TGFB1: variants seen among roughly 807,000 people sequenced by gnomAD.
The protein encoded by TGFB1 is transforming growth factor beta 1.
TGFB1 carries 19 observed loss-of-function variants against 43.8 expected under a neutral mutation model. The ratio of observed to expected loss-of-function variants is 0.43; its 90% CI spans 0.30 to 0.64. TGFB1 has a LOEUF of 0.64. Among genes scored for constraint, TGFB1 ranks in the 30% least tolerant of loss-of-function variants. The pLI, the probability that TGFB1 is intolerant of heterozygous loss-of-function variation, is 0.11. For synonymous variants in TGFB1, 221 were observed against 236.3 expected (o/e 0.94, Z 0.60); for missense variants, 445 against 529.8 (o/e 0.84, Z 1.57).
intron 5 of TGFB1, among the ~76,000 whole-genome samples, chr19:41,338,985 T>TGC (rs1555753489): frequency 2.0e-5 from 3 of 151,804 alleles, no homozygotes; most frequent in African/African-American, 7.2e-5. Flanking sequence ...TGTGTGTGTG[T>TGC]GCTTTCCCCT....
rs142642007 is a variant in TGFB1 at position 41,348,369 on chromosome 19, C to T, written c.442G>A (p.Val148Met). 2.4e-5 allele frequency: 38 copies of T among 1,613,636 alleles called. No homozygotes were observed. The highest frequency in any genetic ancestry group is 2.7e-5 in the Non-Finnish European group (32 of 1,179,802). The change falls in exon 2 of 7, where the codon GTG becomes ATG. Residue 148 changes from valine (V) to methionine (M), a missense_variant. Val to Met is a conservative substitution (Grantham distance 21). Around this residue, in one of 3 missense-constraint regions of TGFB1, gnomAD observed 366 missense variants for 428.8 expected, o/e 0.85. Coordinates refer to ENST00000221930, the MANE Select transcript of TGFB1 (RefSeq NM_000660.7). ...SELREAVPEP[V>M]LLSRAELRLL... ...CGCAGCTCTGCCCGGGAGAGCAACACGGGTTCAGGTACCGCTTCTCGGAGC... is the reference window on the plus strand; with the variant it reads ...CGCAGCTCTGCCCGGGAGAGCAACATGGGTTCAGGTACCGCTTCTCGGAGC...
At chr19:41,342,363 C>A in intron 3 of TGFB1, 116 bp from the exon 4 acceptor site, 2 of 946,424 alleles carry the variant, frequency 2.1e-6, no homozygotes, top group South Asian at 1.4e-5. Context: ...CCACCCACCC[C>A]ACTCTGCCCT....
At chr19:41,347,890 T>C (rs528068768) in intron 2 of TGFB1, among the ~76,000 whole-genome samples, 4 of 150,360 alleles carry the variant, frequency 2.7e-5, no homozygotes, top group Non-Finnish European at 5.9e-5. Flanking sequence ...TCTGAGCACT[T>C]TGGGAGACCG....
chr19:41,337,600 C>T (rs2038002302), intron 5 of TGFB1, among the ~76,000 whole-genome samples: 2 of 151,888 alleles, frequency 1.3e-5, no homozygotes, highest in African/African-American at 4.8e-5. Flanking sequence ...TTTTCAAAAT[C>T]TACAAAATCA....
At chr19:41,332,039 C>T in intron 6 of TGFB1, 89 bp downstream of exon 6, 1 of 1,517,958 alleles carries the variant, frequency 6.6e-7, no homozygotes, top group Non-Finnish European at 9.0e-7. Flanking sequence ...TGCCAACTCA[C>T]CTCTCTGACT....
At chr19:41,348,069 T>C (rs1054047295) in intron 2 of TGFB1, among the ~76,000 whole-genome samples, 12 of 151,616 alleles carry the variant, frequency 7.9e-5, no homozygotes, top group Admixed American at 6.6e-5. Context: ...GAGGCGGAGA[T>C]TGCAGTGAGC....
rs766021098 is a variant in TGFB1, at chr19:41,352,915, T to G, written c.130A>C (p.Lys44Gln). ...KTIDMELVKRKRIEAIRGQIL... is the reference protein window; with the variant it reads ...KTIDMELVKRQRIEAIRGQIL... ...TGGCCGCGGATGGCCTCGATGCGCT[T>G]CCGCTTCACCAGCTCCATGTCGATA... is the stretch of plus-strand genomic sequence containing the variant. Residue 44 changes from lysine (K) to glutamine (Q), a missense_variant, in exon 1 of 7, where the codon AAG (lysine) becomes CAG (glutamine). Lys to Gln is a moderately conservative substitution (Grantham distance 53). Around this residue, in one of 3 missense-constraint regions of TGFB1, gnomAD observed 366 missense variants for 428.8 expected, o/e 0.85. Transcript: ENST00000221930. 6.4e-7 allele frequency: 1 copy of G among 1,558,070 alleles called. No homozygotes were observed. Among genetic ancestry groups the G allele is most frequent in the Non-Finnish European group, 8.7e-7 (1 of 1,152,664 alleles).
intron 1 of TGFB1, among the ~76,000 whole-genome samples, chr19:41,352,344 C>G: frequency 2.1e-4 from 3 of 14,264 alleles, no homozygotes; most frequent in Admixed American, 4.2e-4. Flanking sequence ...CACCCCACGA[C>G]CCCCCCCCCC....
At chr19:41,352,565 C>A in intron 1 of TGFB1, 125 bp downstream of exon 1, 2 of 1,188,476 alleles carry the variant, frequency 1.7e-6, no homozygotes, top group Non-Finnish European at 2.4e-6. Flanking sequence ...CACACGTTCC[C>A]TTTGCCCCGG....
Position 41,341,980 on chromosome 19 carries a change from G to T in TGFB1, c.763C>A (p.Arg255=), listed in dbSNP as rs753735387. Residue 255 remains arginine (R), a synonymous_variant, in exon 5 of 7, where the codon CGG becomes AGG. Coordinates refer to ENST00000221930, the MANE Select transcript of TGFB1 (RefSeq NM_000660.7). ...GDLATIHGMN[R]PFLLLMATPL... The stretch of plus-strand genomic sequence containing the variant: ...GTGGCCATGAGAAGCAGGAAAGGCC[G>T]GTTCATGCCATGAATGGTGGCCAGG... The T allele has an allele frequency of 3.7e-6, 6 of 1,614,076 alleles. No individual in the cohort carries two copies. In the African/African-American group the frequency reaches 5.3e-5, roughly 14 times the overall value.
chr19:41,343,566 C>T (rs1427202953), intron 3 of TGFB1, among the ~76,000 whole-genome samples: 1 of 152,022 alleles, frequency 6.6e-6, no homozygotes, highest in Non-Finnish European at 1.5e-5. Flanking sequence ...CCCAACAGCA[C>T]TTAGGGCGTT....
At position 41,332,269 on chromosome 19, in the gene TGFB1, C is replaced by T. The variant is rs190566789; in HGVS notation, c.873G>A (p.Lys291=). Residue 291 remains lysine, a synonymous_variant, in exon 6 of 7, where the codon AAG becomes AAA. Transcript: ENST00000221930. The part of the protein sequence containing the change: ...DTNYCFSSTE[K]NCCVRQLYID... The stretch of plus-strand genomic sequence containing the variant: ...TGTACAGCTGCCGCACGCAGCAGTT[C>T]TTCTCCGTGGAGCTGCAGGCAGGAG... The T allele has an allele frequency of 5.9e-4, 949 of 1,613,948 alleles. 30 individuals are homozygous for T. In the East Asian group the frequency reaches 0.016, roughly 27 times the overall value.
chr19:41,336,947 C>T (rs1186586001), intron 5 of TGFB1, among the ~76,000 whole-genome samples: 1 of 149,118 alleles, frequency 6.7e-6, no homozygotes, highest in Non-Finnish European at 1.5e-5. Context: ...TGATATGTCT[C>T]TTAGGATTTT....
intron 5 of TGFB1, among the ~76,000 whole-genome samples, chr19:41,336,097 G>A (rs1568475407): frequency 1.3e-5 from 2 of 148,230 alleles, no homozygotes; most frequent in East Asian, 4.1e-4. Flanking sequence ...CCAAGTTCAA[G>A]CAATTCTCCT....
At chr19:41,349,333 C>T (rs2038155215) in intron 1 of TGFB1, among the ~76,000 whole-genome samples, 1 of 152,208 alleles carries the variant, frequency 6.6e-6, no homozygotes, top group South Asian at 2.1e-4. Flanking sequence ...ATTCCTCTCT[C>T]TGAGCCAGGT....
At chr19:41,335,417 A>G (rs2037978077) in intron 5 of TGFB1, among the ~76,000 whole-genome samples, 1 of 152,126 alleles carries the variant, frequency 6.6e-6, no homozygotes, top group Admixed American at 6.6e-5. Context: ...GATTTGAACA[A>G]TCTGTGATAC....
intron 5 of TGFB1, among the ~76,000 whole-genome samples, chr19:41,337,455 T>C (rs1461009016): frequency 6.6e-6 from 1 of 152,026 alleles, no homozygotes; most frequent in African/African-American, 2.4e-5. Context: ...TTTTGTATTT[T>C]TAGTACAGAC....
intron 5 of TGFB1, among the ~76,000 whole-genome samples, chr19:41,340,784 G>C: frequency 6.6e-6 from 1 of 152,154 alleles, no homozygotes; most frequent in South Asian, 2.1e-4. Context: ...CAATTGGCCA[G>C]TGGTGCAGGA....
chr19:41,339,239 C>A (rs1173629702), intron 5 of TGFB1, among the ~76,000 whole-genome samples: 2 of 151,844 alleles, frequency 1.3e-5, no homozygotes, highest in Non-Finnish European at 2.9e-5. Flanking sequence ...CCTCAGCCTC[C>A]CAAGTAGCTG....
Sources: allele counts gnomAD v4.1 joint callset (sites outside exome capture counted in the v4.1 genomes callset), GRCh38; gene constraint gnomAD v4.1.1; regional missense constraint gnomAD v4.1.1; transcripts MANE v1.5; gene names NCBI Gene and HGNC (gene_info 2026-07-23, HGNC 2026-07-21).